AFG2B: variants seen among roughly 807,000 people sequenced by gnomAD.
The protein encoded by AFG2B is AAA ATPase AFG2B, also known as ATPase family gene 2 protein homolog B.
At chr15:45,407,200 A>G in the AFG2B span, 13 of 1,248,616 alleles carry the variant, frequency 1.0e-5, no homozygotes, top group Non-Finnish European at 1.3e-5. Flanking sequence ...GGCAAAAAGC[A>G]TGAAGGGACA....
At chr15:45,402,657 G>A in the AFG2B span, 2 of 1,578,008 alleles carry the variant, frequency 1.3e-6, no homozygotes, top group South Asian at 1.1e-5. Context: ...AGCTGGACCC[G>A]CTGTGCGCGA....
At chr15:45,402,861 C>T in the AFG2B span, 1 of 1,598,604 alleles carries the variant, frequency 6.3e-7, no homozygotes, top group Non-Finnish European at 8.5e-7. Flanking sequence ...ACCGACCGAT[C>T]TCCCTGGGCC....
the AFG2B span, chr15:45,410,571 A>AATG: frequency 6.5e-7 from 1 of 1,545,126 alleles, no homozygotes; most frequent in Non-Finnish European, 8.8e-7. Context: ...GATATTACAG[A>AATG]TTAACATTCT....
chr15:45,402,738 C>T, the AFG2B span: 2 of 1,566,378 alleles, frequency 1.3e-6, no homozygotes, highest in Non-Finnish European at 1.7e-6. Context: ...TCCTAGTGCC[C>T]TGTCCGCCCC....
the AFG2B span, among the ~76,000 whole-genome samples, chr15:45,419,229 C>A: frequency 5.3e-5 from 8 of 151,968 alleles, no homozygotes; most frequent in African/African-American, 1.9e-4. Flanking sequence ...GAGAGGATTG[C>A]TTTAGCCCAG....
the AFG2B span, among the ~76,000 whole-genome samples, chr15:45,404,442 C>CGTAAA: frequency 6.6e-6 from 1 of 152,072 alleles, no homozygotes; most frequent in African/African-American, 2.4e-5. Context: ...CTAAAGTATA[C>CGTAAA]GTAAAGTGCA....
At chr15:45,410,621 T>C in the AFG2B span, 11 of 1,239,658 alleles carry the variant, frequency 8.9e-6, no homozygotes, top group Non-Finnish European at 1.2e-5. Flanking sequence ...GAAACTGCTC[T>C]TGCTCCTATC....
the AFG2B span, among the ~76,000 whole-genome samples, chr15:45,412,514 T>A: frequency 1.3e-5 from 2 of 152,258 alleles, no homozygotes; most frequent in African/African-American, 2.4e-5. Context: ...CACTCACCTC[T>A]GCCGTTGTAG....
chr15:45,421,341 A>AC, the AFG2B span: 1 of 611,080 alleles, frequency 1.6e-6, no homozygotes, highest in Non-Finnish European at 2.6e-6. Flanking sequence ...ACAAAACAAA[A>AC]AAAACTTGTG....
At chr15:45,405,729 T>C in the AFG2B span, among the ~76,000 whole-genome samples, 6 of 152,194 alleles carry the variant, frequency 3.9e-5, no homozygotes, top group African/African-American at 1.2e-4. Context: ...TGTTCCCTAC[T>C]CTTATAGTAA....
At chr15:45,411,072 GGTGCCCATAATCCCA>G in the AFG2B span, among the ~76,000 whole-genome samples, 1 of 152,036 alleles carries the variant, frequency 6.6e-6, no homozygotes, top group South Asian at 2.1e-4. Context: ...CATGCTGGCA[GGTGCCCATAATCCCA>G]GCTACTCGGA....
chr15:45,418,478 G>A, the AFG2B span: 17 of 1,425,522 alleles, frequency 1.2e-5, no homozygotes, highest in East Asian at 4.1e-4. Context: ...GGAAACTCAA[G>A]CTAAAAATAT....
the AFG2B span, chr15:45,405,310 T>A: frequency 1.2e-6 from 2 of 1,605,962 alleles, no homozygotes; most frequent in Non-Finnish European, 1.7e-6. Flanking sequence ...TTGTTTTGCT[T>A]TGCATATAGG....
At chr15:45,418,614 T>C in the AFG2B span, 1 of 1,614,150 alleles carries the variant, frequency 6.2e-7, no homozygotes, top group South Asian at 1.1e-5. Context: ...GCCTGATGTC[T>C]CCTTAGAAAA....
At chr15:45,413,071 C>T in the AFG2B span, among the ~76,000 whole-genome samples, 1 of 152,196 alleles carries the variant, frequency 6.6e-6, no homozygotes. Flanking sequence ...TGCATTGTCT[C>T]ATTTAATGTT....
chr15:45,402,813 A>G, the AFG2B span: 4 of 1,596,426 alleles, frequency 2.5e-6, no homozygotes, highest in Admixed American at 6.7e-5. Context: ...CCCGGAATAC[A>G]GCCGCGGTGC....
chr15:45,415,489 C>T, the AFG2B span: 2 of 1,008,350 alleles, frequency 2.0e-6, no homozygotes, highest in Middle Eastern at 2.7e-4. Context: ...CAGAGCAAGA[C>T]TGTCTCAAAA....
the AFG2B span, chr15:45,415,949 C>A: frequency 1.8e-6 from 1 of 551,882 alleles, no homozygotes; most frequent in Non-Finnish European, 2.9e-6. Flanking sequence ...ACTTTTAGAG[C>A]TAATAAAAAT....
At chr15:45,405,181 A>C in the AFG2B span, 5 of 748,700 alleles carry the variant, frequency 6.7e-6, no homozygotes, top group Non-Finnish European at 1.0e-5. Context: ...ACCTGTCTTC[A>C]TCCCCTCACC....
Sources: gnomAD v4.1 joint callset for allele counts (sites outside exome capture counted in the v4.1 genomes callset) on GRCh38, gnomAD v4.1.1 for gene constraint, MANE v1.5 for transcripts, NCBI Gene and HGNC (gene_info 2026-07-23, HGNC 2026-07-21) for gene names.